The following PHLPP1 variants were observed in gnomAD, a reference collection of about 807,000 sequenced individuals.
The protein encoded by PHLPP1 is PH domain and leucine rich repeat protein phosphatase 1.
Under a neutral mutation model 117.2 loss-of-function variants are expected in PHLPP1, and 42 were observed. The ratio of observed to expected loss-of-function variants is 0.36; its 90% CI spans 0.28 to 0.46. PHLPP1 has a LOEUF of 0.46. Among genes scored for constraint, PHLPP1 ranks in the 20% least tolerant of loss-of-function variants. PHLPP1 has a pLI of 1.00. For synonymous variants in PHLPP1, 1,042 were observed against 970.7 expected, an observed-to-expected ratio of 1.07 and a Z score of -1.37; for missense variants, 2,084 against 2,241.9, an observed-to-expected ratio of 0.93 and a Z score of 1.42.
chr18:62,773,981 A>G (rs1404310505), intron 1 of PHLPP1, among the ~76,000 whole-genome samples: 1 of 152,170 alleles, frequency 6.6e-6, no homozygotes, highest in Non-Finnish European at 1.5e-5. Context: ...AATCTCATTC[A>G]TGAGTGCTTT....
At chr18:62,887,047 C>G (rs1466672953) in intron 4 of PHLPP1, among the ~76,000 whole-genome samples, 2 of 152,156 alleles carry the variant, frequency 1.3e-5, no homozygotes, top group Non-Finnish European at 2.9e-5. Flanking sequence ...TCACTGTCCT[C>G]CATTACTCAT....
At chr18:62,820,402 C>T (rs545990714) in intron 1 of PHLPP1, among the ~76,000 whole-genome samples, 2 of 152,314 alleles carry the variant, frequency 1.3e-5, no homozygotes, top group East Asian at 3.9e-4. Flanking sequence ...TTTTCAAGTA[C>T]ATATGGAACA....
intron 10 of PHLPP1, among the ~76,000 whole-genome samples, chr18:62,922,647 C>A (rs772499670): frequency 4.9e-4 from 74 of 152,114 alleles, no homozygotes; most frequent in Non-Finnish European, 4.0e-4. Context: ...GTTTTAGGAG[C>A]CTGAATGAAA....
chr18:62,761,652 TAAAAAAA>T (rs1912240800), intron 1 of PHLPP1, among the ~76,000 whole-genome samples: 1 of 136,092 alleles, frequency 7.3e-6, no homozygotes, highest in South Asian at 2.2e-4. Flanking sequence ...TAAATAAAAA[TAAAAAAA>T]TAAAAAATAA....
At chr18:62,768,304 T>A (rs1488197460) in intron 1 of PHLPP1, among the ~76,000 whole-genome samples, 1 of 152,168 alleles carries the variant, frequency 6.6e-6, no homozygotes, top group African/African-American at 2.4e-5. Context: ...AGTAGTCACC[T>A]TGAGAACCAA....
chr18:62,890,532 C>T (rs559260665), intron 4 of PHLPP1, among the ~76,000 whole-genome samples: 3 of 152,176 alleles, frequency 2.0e-5, no homozygotes, highest in Non-Finnish European at 4.4e-5. Context: ...TCCCAAAGTG[C>T]TGGGATTACA....
intron 1 of PHLPP1, among the ~76,000 whole-genome samples, chr18:62,766,742 G>T (rs1027423590): frequency 6.6e-6 from 1 of 152,036 alleles, no homozygotes; most frequent in East Asian, 1.9e-4. Flanking sequence ...TTTCTTTCTG[G>T]CTTTCCTGTC....
At chr18:62,824,642 TAAA>T (rs1041926822) in intron 1 of PHLPP1, among the ~76,000 whole-genome samples, 1 of 151,880 alleles carries the variant, frequency 6.6e-6, no homozygotes, top group African/African-American at 2.4e-5. Context: ...AATAAATCTG[TAAA>T]AAAAAGTGGA....
At chr18:62,731,585 A>G (rs1911228797) in intron 1 of PHLPP1, among the ~76,000 whole-genome samples, 1 of 152,194 alleles carries the variant, frequency 6.6e-6, no homozygotes, top group Non-Finnish European at 1.5e-5. Context: ...TAAGTGTTCA[A>G]TTGAAAGGAA....
chr18:62,963,547 C>G, intron 14 of PHLPP1, 75 bp downstream of exon 14: 1 of 932,422 alleles, frequency 1.1e-6, no homozygotes, highest in Non-Finnish European at 1.7e-6. Context: ...GAAAGAAACT[C>G]AGTGCTGTAG....
intron 3 of PHLPP1, chr18:62,839,746 A>G (rs1252852675): frequency 1.4e-5 from 2 of 146,762 alleles, no homozygotes; most frequent in Non-Finnish European, 3.0e-5. Context: ...ATGTATATAT[A>G]TAATATAATA....
chr18:62,913,392 A>ATT (rs1407737756), intron 8 of PHLPP1, among the ~76,000 whole-genome samples: 6 of 152,166 alleles, frequency 3.9e-5, no homozygotes, highest in Admixed American at 2.0e-4. Flanking sequence ...AATTCCTTCT[A>ATT]TTTCTGTATT....
chr18:62,761,354 C>T (rs796811001), intron 1 of PHLPP1, among the ~76,000 whole-genome samples: 48 of 152,032 alleles, frequency 3.2e-4, no homozygotes, highest in Admixed American at 1.6e-3. Flanking sequence ...ATGGTAGGGC[C>T]GGGCGCAGTG....
intron 1 of PHLPP1, among the ~76,000 whole-genome samples, chr18:62,735,104 G>A (rs564238821): frequency 3.3e-5 from 5 of 151,402 alleles, no homozygotes; most frequent in Admixed American, 6.6e-5. Context: ...GAGTGTAGTG[G>A]TGCGATTTCC....
At chr18:62,778,163 T>C (rs1479369747) in intron 1 of PHLPP1, among the ~76,000 whole-genome samples, 1 of 152,214 alleles carries the variant, frequency 6.6e-6, no homozygotes, top group Non-Finnish European at 1.5e-5. Context: ...TTTTGTTAGA[T>C]TGAACTCTTT....
chr18:62,933,016 C>CA (rs554477415), intron 10 of PHLPP1, among the ~76,000 whole-genome samples: 11 of 151,790 alleles, frequency 7.2e-5, no homozygotes, highest in Admixed American at 3.9e-4. Context: ...TTTACAATAG[C>CA]AAAAAAATGA....
intron 11 of PHLPP1, 29 bp from the exon 12 acceptor site, chr18:62,945,080 T>C (rs1235033119): frequency 2.7e-6 from 4 of 1,500,946 alleles, no homozygotes; most frequent in Non-Finnish European, 3.6e-6. Context: ...TTATTTTCTT[T>C]TAAATTGCTT....
chr18:62,851,612 C>T (rs1915352277), intron 3 of PHLPP1, among the ~76,000 whole-genome samples: 2 of 152,204 alleles, frequency 1.3e-5, no homozygotes, highest in Admixed American at 1.3e-4. Flanking sequence ...AGGTGTGCGC[C>T]ACCACACCCG....
At position 62,979,301 on chromosome 18, in the gene PHLPP1, A is replaced by G. The variant is rs1321416423; in HGVS notation, c.5024A>G (p.Lys1675Arg). The change falls in exon 17 of 17, where the codon AAA becomes AGA. Residue 1675 changes from lysine (K) to arginine (R), a missense_variant. This residue lies in a region of PHLPP1 where 1,365 missense variants were observed against 1,605.9 expected (regional missense o/e 0.85). Coordinates refer to ENST00000262719, the MANE Select transcript of PHLPP1 (RefSeq NM_194449.4). ...IIPPELEEEV[K>R]EIMKHHQEQQ... is the part of the protein sequence containing the mutation. ...CCCCCGGAGCTGGAAGAGGAGGTCA[A>G]AGAAATCATGAAGCATCACCAGGAG... 1 of 1,555,624 alleles carries G rather than the reference A, an allele frequency of 6.4e-7. No homozygotes were observed. Among genetic ancestry groups the G allele is most frequent in the Non-Finnish European group, 8.7e-7 (1 of 1,149,154 alleles).
Sources: allele counts gnomAD v4.1 joint callset (sites outside exome capture counted in the v4.1 genomes callset), GRCh38; gene constraint gnomAD v4.1.1; regional missense constraint gnomAD v4.1.1; transcripts MANE v1.5; gene names NCBI Gene and HGNC (gene_info 2026-07-23, HGNC 2026-07-21).